FAM135A: variants seen among roughly 807,000 people sequenced by gnomAD.
The protein encoded by FAM135A is family with sequence similarity 135 member A.
In FAM135A, 79 loss-of-function variants were observed where a neutral mutation model predicts 146.8. That is an observed-to-expected ratio of 0.54 (90% CI 0.45 to 0.65). The LOEUF (loss-of-function observed/expected upper bound fraction) is 0.65. FAM135A is among the 30% of genes least tolerant of loss of function. FAM135A has a pLI of 0.00. For missense variants in FAM135A, 1,623 were observed against 1,758.2 expected, an observed-to-expected ratio of 0.92 and a Z score of 1.38; for synonymous variants, 562 against 603.6, an observed-to-expected ratio of 0.93 and a Z score of 1.01.
At chr6:70,476,605 T>G (rs1782670951) in intron 7 of FAM135A, among the ~76,000 whole-genome samples, 1 of 152,166 alleles carries the variant, frequency 6.6e-6, no homozygotes, top group Non-Finnish European at 1.5e-5. Context: ...GGAATTTTTT[T>G]AAGTATAATT....
chr6:70,498,372 T>C (rs891759812), intron 11 of FAM135A, among the ~76,000 whole-genome samples: 1 of 151,996 alleles, frequency 6.6e-6, no homozygotes, highest in African/African-American at 2.4e-5. Flanking sequence ...TCTTTTCTTC[T>C]TTATTAGTCT....
chr6:70,427,386 G>C (rs1770415350), intron 3 of FAM135A, among the ~76,000 whole-genome samples: 1 of 152,078 alleles, frequency 6.6e-6, no homozygotes, highest in African/African-American at 2.4e-5. Context: ...ACAAAAATTA[G>C]CTGAGCATGA....
At chr6:70,462,287 G>A (rs1779584894) in intron 5 of FAM135A, among the ~76,000 whole-genome samples, 1 of 152,166 alleles carries the variant, frequency 6.6e-6, no homozygotes, top group Non-Finnish European at 1.5e-5. Flanking sequence ...GTGTGACATT[G>A]ACGGCCAAGC....
At chr6:70,494,888 A>G (rs1342157440) in intron 11 of FAM135A, among the ~76,000 whole-genome samples, 3 of 152,218 alleles carry the variant, frequency 2.0e-5, no homozygotes, top group Admixed American at 6.5e-5. Flanking sequence ...TGTATAGACT[A>G]TGCTAAGTAA....
At position 70,507,120 on chromosome 6, in the gene FAM135A, G is replaced by C. The variant is rs147486277; in HGVS notation, c.1029+4329G>C. Among the ~76,000 whole-genome samples, 163 of 152,096 alleles carry C rather than the reference G, an allele frequency of 1.1e-3. 1 individual carries two copies. The highest frequency in any genetic ancestry group is 3.8e-3 in the African/African-American group (158 of 41,520). On this transcript the variant is annotated intron_variant, in intron 12 of 21. Transcript: ENST00000418814. ...GCTTCCCTTTTCTCACCCCATTCCA[G>C]ATACCAAGATAGGGCCTATTTTAAT...
chr6:70,470,083 T>C (rs1249943906), intron 5 of FAM135A, among the ~76,000 whole-genome samples: 3 of 152,150 alleles, frequency 2.0e-5, no homozygotes, highest in African/African-American at 7.2e-5. Flanking sequence ...TAGATACTGA[T>C]TATAAGTCAA....
At chr6:70,538,069 T>C (rs529465341) in intron 19 of FAM135A, among the ~76,000 whole-genome samples, 1 of 152,350 alleles carries the variant, frequency 6.6e-6, no homozygotes, top group South Asian at 2.1e-4. Context: ...AATAGCAAGC[T>C]GTCCATCAAC....
In FAM135A at chr6:70,466,360, G is replaced by T. The variant is rs148269320; in HGVS notation, c.158-9050G>T. On this transcript the variant is annotated intron_variant, in intron 5 of 21. Coordinates refer to ENST00000418814, the MANE Select transcript of FAM135A (RefSeq NM_001162529.3). The stretch of plus-strand genomic sequence containing the variant: ...AGTTTTATCATTATGAGTGCATTTT[G>T]TCAGTATAACTATATTCCAAGGAAA... 6.2e-3 allele frequency among the ~76,000 whole-genome samples: 942 copies of T among 152,112 alleles called. 2 individuals are homozygous for T. Among genetic ancestry groups the T allele is most frequent in the Middle Eastern group, 0.024 (7 of 294 alleles).
intron 10 of FAM135A, among the ~76,000 whole-genome samples, chr6:70,482,551 A>C (rs1347687700): frequency 1.3e-5 from 2 of 152,192 alleles, no homozygotes; most frequent in African/African-American, 4.8e-5. Context: ...ATTTTTGTTT[A>C]CATTTGATTT....
At chr6:70,529,515 TAA>T (rs1399170126) in intron 16 of FAM135A, among the ~76,000 whole-genome samples, 1 of 150,446 alleles carries the variant, frequency 6.6e-6, no homozygotes, top group Non-Finnish European at 1.5e-5. Flanking sequence ...CTCCAAACAA[TAA>T]AGTCTTCAAA....
At chr6:70,432,435 A>G (rs1365427262) in intron 4 of FAM135A, among the ~76,000 whole-genome samples, 1 of 152,186 alleles carries the variant, frequency 6.6e-6, no homozygotes. Context: ...TGTTAAGTAA[A>G]GCGCTTTTCC....
Position 70,526,607 on chromosome 6 carries a change from G to A in FAM135A, c.3523G>A (p.Asp1175Asn). The change falls in exon 15 of 22, where the codon GAT (aspartate) becomes AAT (asparagine). Residue 1175 changes from aspartate (D) to asparagine (N), a missense_variant. Physicochemically the swap from Asp to Asn is conservative, Grantham distance 23 (BLOSUM62 1). This residue lies in a region of FAM135A where 1,061 missense variants were observed against 1,113.8 expected (regional missense o/e 0.95). Coordinates refer to ENST00000418814, the MANE Select transcript of FAM135A (RefSeq NM_001162529.3). ...NVKYSSKSKF[D>N]AITKQPSSTS... Reference sequence around the variant, plus strand: ...TAAATATTCTTCCAAAAGTAAATTTGATGCCATTACAAAGCAGCCAAGCAG... The same window carrying A: ...TAAATATTCTTCCAAAAGTAAATTTAATGCCATTACAAAGCAGCCAAGCAG... 6.2e-7 allele frequency: 1 copy of A among 1,613,434 alleles called. No homozygotes were observed. Among genetic ancestry groups the A allele is most frequent in the Non-Finnish European group, 8.5e-7 (1 of 1,179,648 alleles).
intron 14 of FAM135A, 80 bp downstream of exon 14, chr6:70,524,201 C>T: frequency 1.4e-6 from 2 of 1,418,494 alleles, no homozygotes; most frequent in Non-Finnish European, 1.9e-6. Flanking sequence ...AAAACCATTC[C>T]CTAATGTGGA....
intron 4 of FAM135A, among the ~76,000 whole-genome samples, chr6:70,448,882 A>G (rs1776410668): frequency 6.6e-6 from 1 of 152,214 alleles, no homozygotes; most frequent in Non-Finnish European, 1.5e-5. Flanking sequence ...GCCTTTAAGC[A>G]GTTTTCTGCC....
At chr6:70,445,860 G>A (rs1414749108) in intron 4 of FAM135A, among the ~76,000 whole-genome samples, 1 of 152,158 alleles carries the variant, frequency 6.6e-6, no homozygotes, top group Middle Eastern at 3.2e-3. Context: ...GGGGGGGGCT[G>A]TTCCCAACAT....
At chr6:70,456,731 C>G (rs1213942623) in intron 5 of FAM135A, among the ~76,000 whole-genome samples, 1 of 152,120 alleles carries the variant, frequency 6.6e-6, no homozygotes, top group Non-Finnish European at 1.5e-5. Flanking sequence ...AGTAAGTTAC[C>G]TTGCCCTAAC....
chr6:70,460,848 C>CTT (rs780821553), intron 5 of FAM135A, among the ~76,000 whole-genome samples: 12 of 134,786 alleles, frequency 8.9e-5, no homozygotes, highest in Admixed American at 1.5e-4. Context: ...AGATAGCTAT[C>CTT]TTTTTTTTTT....
chr6:70,470,075 G>A (rs1377142249), intron 5 of FAM135A, among the ~76,000 whole-genome samples: 1 of 152,104 alleles, frequency 6.6e-6, no homozygotes, highest in East Asian at 1.9e-4. Context: ...ATCTATGTTA[G>A]ATACTGATTA....
intron 4 of FAM135A, among the ~76,000 whole-genome samples, chr6:70,444,122 G>C (rs914559394): frequency 1.3e-5 from 2 of 151,900 alleles, no homozygotes; most frequent in Non-Finnish European, 2.9e-5. Context: ...TTAAATTTTT[G>C]GGCTGGGTGC....
Sources: gnomAD v4.1 joint callset for allele counts (sites outside exome capture counted in the v4.1 genomes callset) on GRCh38, gnomAD v4.1.1 for gene constraint, gnomAD v4.1.1 regional missense constraint, MANE v1.5 for transcripts, NCBI Gene and HGNC (gene_info 2026-07-23, HGNC 2026-07-21) for gene names.